PPP1R12A: variants seen among roughly 807,000 people sequenced by gnomAD.
The protein encoded by PPP1R12A is myosin binding subunit.
PPP1R12A carries 19 observed loss-of-function variants against 139.6 expected under a neutral mutation model. That is an observed-to-expected ratio of 0.14 (90% CI 0.09 to 0.20). PPP1R12A has a LOEUF of 0.20. Among genes scored for constraint, PPP1R12A ranks in the 10% least tolerant of loss-of-function variants. The pLI, the probability that PPP1R12A is intolerant of heterozygous loss-of-function variation, is 1.00. For missense variants in PPP1R12A, 925 were observed against 1,211.5 expected (o/e 0.76, Z 3.51); for synonymous variants, 427 against 420.6 (o/e 1.02, Z -0.19).
rs374703345 is a variant in PPP1R12A, at chr12:79,922,683, CG to C, written c.237+12011del. Among the ~76,000 whole-genome samples, 771 of 152,022 alleles carry C rather than the reference CG, an allele frequency of 5.1e-3. 4 individuals are homozygous for C. The highest frequency in any genetic ancestry group is 0.018 in the African/African-American group (732 of 41,438). ...AGGACCATCACACACTGGGGCCTGT[CG>C]GGGGCTCAGGGGCAAGGGTAGGGAG... On this transcript the variant is annotated intron_variant, in intron 1 of 24. Transcript: ENST00000450142.
At chr12:79,844,640 A>G (rs1297010960) in intron 3 of PPP1R12A, among the ~76,000 whole-genome samples, 1 of 152,134 alleles carries the variant, frequency 6.6e-6, no homozygotes, top group Non-Finnish European at 1.5e-5. Context: ...AGAGCCAGAG[A>G]GATCCTTTCT....
rs200365306 is a variant in PPP1R12A, at chr12:79,825,664, C to T, written c.792+2656G>A. ...TGTTTTCTAGTACTAAATAATTCATCTAAACTCTGGTAGTACCTTAAGTGC... is the reference window on the plus strand; with the variant it reads ...TGTTTTCTAGTACTAAATAATTCATTTAAACTCTGGTAGTACCTTAAGTGC... On this transcript the variant is annotated intron_variant, in intron 5 of 24. Coordinates refer to ENST00000450142, the MANE Select transcript of PPP1R12A (RefSeq NM_002480.3). 8.6e-5 allele frequency among the ~76,000 whole-genome samples: 13 copies of T among 151,804 alleles called. No individual in the cohort carries two copies. The East Asian group carries it at 1.9e-3, about 23-fold the overall frequency.
At chr12:79,807,878 A>G (rs900514800) in intron 11 of PPP1R12A, among the ~76,000 whole-genome samples, 6 of 151,748 alleles carry the variant, frequency 4.0e-5, no homozygotes, top group Admixed American at 2.0e-4. Context: ...CTCTACTAAA[A>G]ATAAAAAAAT....
chr12:79,880,600 C>A (rs1883547468), intron 1 of PPP1R12A, among the ~76,000 whole-genome samples: 1 of 152,018 alleles, frequency 6.6e-6, no homozygotes, highest in Non-Finnish European at 1.5e-5. Context: ...TAGAAAAAAA[C>A]ACTTTAGAAT....
chr12:79,818,414 T>TA (rs1339139271), intron 8 of PPP1R12A, among the ~76,000 whole-genome samples: 2 of 152,002 alleles, frequency 1.3e-5, no homozygotes, highest in African/African-American at 4.8e-5. Context: ...CTAATTGTTG[T>TA]GTTTTTTTTG....
chr12:79,874,282 A>C (rs991427294), intron 1 of PPP1R12A, among the ~76,000 whole-genome samples: 2 of 152,128 alleles, frequency 1.3e-5, no homozygotes, highest in Non-Finnish European at 2.9e-5. Flanking sequence ...TCCAAAAAAA[A>C]AAAAAAGAAA....
intron 3 of PPP1R12A, among the ~76,000 whole-genome samples, chr12:79,837,392 C>T (rs1448707015): frequency 2.0e-5 from 3 of 152,068 alleles, no homozygotes; most frequent in African/African-American, 7.2e-5. Context: ...TCAATTATTA[C>T]TACTTTCAAA....
chr12:79,844,315 C>T (rs1488580138), intron 3 of PPP1R12A, among the ~76,000 whole-genome samples: 1 of 152,156 alleles, frequency 6.6e-6, no homozygotes, highest in African/African-American at 2.4e-5. Context: ...ATTTAACATG[C>T]CTGAAAATGA....
At chr12:79,842,192 C>A (rs768939293) in intron 3 of PPP1R12A, among the ~76,000 whole-genome samples, 37 of 152,154 alleles carry the variant, frequency 2.4e-4, no homozygotes, top group Admixed American at 5.9e-4. Context: ...AGGTGGCATG[C>A]GCCTACAGTC....
intron 5 of PPP1R12A, among the ~76,000 whole-genome samples, chr12:79,826,216 T>C (rs536380403): frequency 2.5e-4 from 38 of 152,154 alleles, no homozygotes; most frequent in Non-Finnish European, 4.4e-4. Flanking sequence ...TCTCTGATCA[T>C]GTTCCTGAAT....
intron 19 of PPP1R12A, among the ~76,000 whole-genome samples, chr12:79,792,849 G>C (rs1565741308): frequency 6.6e-6 from 1 of 152,068 alleles, no homozygotes; most frequent in African/African-American, 2.4e-5. Flanking sequence ...AAAAATTTAG[G>C]TAACAGTTAA....
intron 9 of PPP1R12A, among the ~76,000 whole-genome samples, chr12:79,814,006 AC>A (rs2137084997): frequency 6.6e-6 from 1 of 152,280 alleles, no homozygotes; most frequent in African/African-American, 2.4e-5. Context: ...TAATTGCAAA[AC>A]CTTTTAAGAT....
At chr12:79,847,637 G>T (rs1337963521) in intron 2 of PPP1R12A, among the ~76,000 whole-genome samples, 2 of 152,022 alleles carry the variant, frequency 1.3e-5, no homozygotes, top group Admixed American at 1.3e-4. Context: ...ACACAGAATT[G>T]CCCTTCAAAA....
intron 2 of PPP1R12A, among the ~76,000 whole-genome samples, chr12:79,854,795 C>T (rs1046800437): frequency 2.6e-5 from 4 of 152,038 alleles, no homozygotes; most frequent in Non-Finnish European, 5.9e-5. Flanking sequence ...CCTCAGCCTC[C>T]CAAGTAACTA....
At chr12:79,862,787 G>C (rs1045861523) in intron 2 of PPP1R12A, among the ~76,000 whole-genome samples, 1 of 152,106 alleles carries the variant, frequency 6.6e-6, no homozygotes, top group African/African-American at 2.4e-5. Context: ...AAAAAGAAAT[G>C]AATAAAGCCT....
intron 1 of PPP1R12A, among the ~76,000 whole-genome samples, chr12:79,905,613 G>C: frequency 6.6e-6 from 1 of 152,036 alleles, no homozygotes. Flanking sequence ...CCTTAAATTT[G>C]AGTCATTTAT....
chr12:79,922,522 T>C (rs1486803526), intron 1 of PPP1R12A, among the ~76,000 whole-genome samples: 3 of 151,996 alleles, frequency 2.0e-5, no homozygotes, highest in Non-Finnish European at 4.4e-5. Context: ...AAAGAATGAG[T>C]TCATGTCCTT....
At position 79,786,442 on chromosome 12, in the gene PPP1R12A, T is replaced by TCA; in HGVS notation, c.2837_2838dup (p.Lys947Ter). ...ATATTTGTATCATGTAGCTGTGCCT[T>TCA]CAGCTTTTCATTTTCAGCTAGAATT... On this transcript the variant is annotated frameshift_variant, in exon 22 of 25. Transcript: ENST00000450142. LOFTEE classifies it high-confidence loss of function. The TCA allele has an allele frequency of 6.4e-7, 1 of 1,558,808 alleles. No homozygotes were observed. The highest frequency in any genetic ancestry group is 2.0e-5 in the Admixed American group (1 of 50,568).
intron 2 of PPP1R12A, among the ~76,000 whole-genome samples, chr12:79,864,008 C>A (rs1881674971): frequency 6.6e-6 from 1 of 152,186 alleles, no homozygotes. Context: ...ATCTACAGAA[C>A]TCTCCACCCC....
Sources: gnomAD v4.1 joint callset for allele counts (sites outside exome capture counted in the v4.1 genomes callset) on GRCh38, gnomAD v4.1.1 for gene constraint, MANE v1.5 for transcripts, NCBI Gene and HGNC (gene_info 2026-07-23, HGNC 2026-07-21) for gene names.